ANO5: variants seen among roughly 807,000 people sequenced by gnomAD.
ANO5 encodes anoctamin 5.
Under a neutral mutation model 121.0 loss-of-function variants are expected in ANO5, and 109 were observed. The ratio of observed to expected loss-of-function variants is 0.90; its 90% CI spans 0.77 to 1.06. The LOEUF (loss-of-function observed/expected upper bound fraction) is 1.06, where lower values mean the gene tolerates loss of function less well. ANO5 is among the 50% of genes least tolerant of loss of function. The pLI is 0.00. For synonymous variants in ANO5, 406 were observed against 359.9 expected (o/e 1.13, Z -1.45); for missense variants, 1,064 against 1,078.5 (o/e 0.99, Z 0.19).
chr11:22,208,559 G>A (rs945318588), intron 2 of ANO5, among the ~76,000 whole-genome samples: 4 of 152,016 alleles, frequency 2.6e-5, no homozygotes, highest in African/African-American at 9.7e-5. Context: ...TAAAAGGGTA[G>A]CATGAGGAAG....
In ANO5 at chr11:22,264,084, C is replaced by T. The variant is rs1171154666; in HGVS notation, c.1898+1041C>T. Among the ~76,000 whole-genome samples, 15 of 136,198 alleles carry T rather than the reference C, an allele frequency of 1.1e-4. 1 individual carries two copies. Among genetic ancestry groups the T allele is most frequent in the Non-Finnish European group, 1.8e-4 (12 of 66,438 alleles). The allele number at this position is 136,198 out of a possible 152,430, so 89.4% of individuals were successfully genotyped here. A position where few individuals can be genotyped will look rare whatever the true frequency, so the allele number is the denominator to read the frequency against. Reference sequence around the variant, plus strand: ...TGTTGCCCAGGCTGGAGTGCAATGGCGCAATCTCGGCTCACTGCAACCTCC... The same window carrying T: ...TGTTGCCCAGGCTGGAGTGCAATGGTGCAATCTCGGCTCACTGCAACCTCC... On this transcript the variant is annotated intron_variant, in intron 17 of 21. Coordinates refer to ENST00000324559, the MANE Select transcript of ANO5 (RefSeq NM_213599.3).
At position 22,266,191 on chromosome 11, in the gene ANO5, T is replaced by C. The variant is rs535347652; in HGVS notation, c.1898+3148T>C. Reference sequence around the variant, plus strand: ...AAGATAATGGTTATGGATGTGGGGATTGAAGAATTTATAAATGGAATGAAG... The same window carrying C: ...AAGATAATGGTTATGGATGTGGGGACTGAAGAATTTATAAATGGAATGAAG... On this transcript the variant is annotated intron_variant, in intron 17 of 21. Coordinates refer to ENST00000324559, the MANE Select transcript of ANO5 (RefSeq NM_213599.3). Among the ~76,000 whole-genome samples, 11 of 152,264 alleles carry C rather than the reference T, an allele frequency of 7.2e-5. No homozygotes were observed. In the South Asian group the frequency reaches 1.9e-3, roughly 26 times the overall value.
At chr11:22,206,515 C>T (rs1249571534) in intron 2 of ANO5, among the ~76,000 whole-genome samples, 9 of 151,912 alleles carry the variant, frequency 5.9e-5, no homozygotes, top group African/African-American at 1.9e-4. Context: ...GGCTTCACCA[C>T]GTTGGTCAGG....
At chr11:22,197,700 G>A (rs1289893294) in intron 1 of ANO5, among the ~76,000 whole-genome samples, 1 of 152,174 alleles carries the variant, frequency 6.6e-6, no homozygotes, top group African/African-American at 2.4e-5. Context: ...GGATTTGCTG[G>A]AGTGTGTATT....
intron 2 of ANO5, among the ~76,000 whole-genome samples, chr11:22,210,365 C>T (rs977291547): frequency 7.9e-5 from 12 of 151,808 alleles, no homozygotes; most frequent in African/African-American, 2.9e-4. Flanking sequence ...AGGTATATTT[C>T]CAAGGTGCTC....
intron 7 of ANO5, among the ~76,000 whole-genome samples, chr11:22,230,734 T>G (rs905741774): frequency 6.6e-6 from 1 of 151,826 alleles, no homozygotes. Flanking sequence ...CTCTCCTAAG[T>G]ATCCCTTTTC....
intron 7 of ANO5, among the ~76,000 whole-genome samples, chr11:22,235,314 A>G (rs191121831): frequency 1.2e-4 from 18 of 152,232 alleles, no homozygotes; most frequent in Admixed American, 5.9e-4. Flanking sequence ...TATGTAAAAC[A>G]GGTCATATTT....
chr11:22,270,158 G>C (rs1854554820), intron 17 of ANO5, among the ~76,000 whole-genome samples, 154 bp from the exon 18 acceptor site: 1 of 152,186 alleles, frequency 6.6e-6, no homozygotes. Context: ...ACCAGATTTT[G>C]ACTTGCGCTT....
At chr11:22,276,538 T>C (rs1564954444) in intron 21 of ANO5, among the ~76,000 whole-genome samples, 2 of 151,740 alleles carry the variant, frequency 1.3e-5, no homozygotes, top group Non-Finnish European at 3.0e-5. Context: ...CATAACAACA[T>C]TGTTAATTAG....
intron 18 of ANO5, among the ~76,000 whole-genome samples, chr11:22,271,163 C>T (rs114034226): frequency 0.011 from 1,662 of 152,278 alleles, 42 homozygotes; most frequent in African/African-American, 0.038. Flanking sequence ...AGCGATTCTC[C>T]TGCTTCAGGA....
In ANO5 at chr11:22,279,876, TTTC is replaced by T. The variant is rs1390998389; in HGVS notation, c.*114_*116del. 5 of 934,462 alleles carry T rather than the reference TTTC, an allele frequency of 5.4e-6. No homozygotes were observed. Among genetic ancestry groups the T allele is most frequent in the East Asian group, 2.6e-5 (1 of 37,810 alleles). The allele number at this position is 934,462 out of a possible 1,614,324, so 57.9% of individuals were successfully genotyped here. A position where few individuals can be genotyped will look rare whatever the true frequency, so the allele number is the denominator to read the frequency against. ...AATTTTACCCTTTCTTTTTTTTTTT[TTTC>T]TTTTTTTTTTTAAACTCAAAGTTTT... On this transcript the variant is annotated 3_prime_UTR_variant, in exon 22 of 22. Coordinates refer to ENST00000324559, the MANE Select transcript of ANO5 (RefSeq NM_213599.3).
At chr11:22,269,617 G>T (rs1480605743) in intron 17 of ANO5, among the ~76,000 whole-genome samples, 4 of 151,954 alleles carry the variant, frequency 2.6e-5, no homozygotes. Context: ...TAGGATTTTA[G>T]TAGATATTTC....
At chr11:22,258,916 G>A (rs1174424889) in intron 14 of ANO5, among the ~76,000 whole-genome samples, 5 of 152,060 alleles carry the variant, frequency 3.3e-5, no homozygotes, top group Non-Finnish European at 5.9e-5. Context: ...GGCAGATCAC[G>A]AGGTCAGGAG....
intron 19 of ANO5, 119 bp downstream of exon 19, chr11:22,273,108 C>A: frequency 8.9e-7 from 1 of 1,126,000 alleles, no homozygotes; most frequent in Non-Finnish European, 1.3e-6. Flanking sequence ...AAAGCTAAAA[C>A]ATTCCGAAAT....
chr11:22,199,655 G>A (rs1263846307), intron 1 of ANO5, among the ~76,000 whole-genome samples: 4 of 151,998 alleles, frequency 2.6e-5, no homozygotes, highest in Admixed American at 2.6e-4. Flanking sequence ...TGATAAGAGT[G>A]CATTGTTCTA....
At chr11:22,252,029 CAAAAAAAAAAAAAAAAA>C (rs10525160) in intron 12 of ANO5, among the ~76,000 whole-genome samples, 4 of 45,856 alleles carry the variant, frequency 8.7e-5, no homozygotes, top group East Asian at 9.6e-4. Flanking sequence ...GACGCCGTCT[CAAAAAAAAAAAAAAAAA>C]AAAAAAAAAA....
In ANO5 at chr11:22,272,894, A is replaced by G. The variant is rs1006691558; in HGVS notation, c.2140A>G (p.Thr714Ala). Residue 714 changes from threonine to alanine, a missense_variant, in exon 19 of 22, where the codon ACT becomes GCT. Physicochemically the swap from Thr to Ala is moderately conservative, Grantham distance 58 (BLOSUM62 0). Coordinates refer to ENST00000324559, the MANE Select transcript of ANO5 (RefSeq NM_213599.3). ...TCGAGTGGATGCCTGGAAACTTACCACTCAATACAGGAGAACTGTAGCTTC... is the reference window on the plus strand; with the variant it reads ...TCGAGTGGATGCCTGGAAACTTACCGCTCAATACAGGAGAACTGTAGCTTC... ...EIRVDAWKLT[T>A]QYRRTVASKA... 6.2e-7 allele frequency: 1 copy of G among 1,613,936 alleles called. No homozygotes were observed. The highest frequency in any genetic ancestry group is 1.3e-5 in the African/African-American group (1 of 74,964).
chr11:22,209,947 T>G (rs1852227980), intron 2 of ANO5, among the ~76,000 whole-genome samples: 1 of 151,890 alleles, frequency 6.6e-6, no homozygotes, highest in South Asian at 2.1e-4. Context: ...TATAATAAAT[T>G]TGTTTATTGT....
At chr11:22,279,410 C>A (rs1200804565) in intron 21 of ANO5, 134 bp from the exon 22 acceptor site, 2 of 715,952 alleles carry the variant, frequency 2.8e-6, no homozygotes, top group Non-Finnish European at 4.8e-6. Flanking sequence ...AGGACAGAGA[C>A]CATATCTTCT....
Sources: allele counts gnomAD v4.1 joint callset (sites outside exome capture counted in the v4.1 genomes callset), GRCh38; gene constraint gnomAD v4.1.1; transcripts MANE v1.5; gene names NCBI Gene and HGNC (gene_info 2026-07-23, HGNC 2026-07-21).